The following CDCA4 variants were observed in gnomAD, a reference collection of about 807,000 sequenced individuals.
The protein encoded by CDCA4 is cell division cycle-associated protein 4.
For missense variants in CDCA4, 294 were observed against 322.1 expected, an observed-to-expected ratio of 0.91 and a Z score of 0.67; for synonymous variants, 130 against 137.0, an observed-to-expected ratio of 0.95 and a Z score of 0.36.
At chr14:105,017,763 G>A (rs1291735342) in intron 1 of CDCA4, among the ~76,000 whole-genome samples, 1 of 151,994 alleles carries the variant, frequency 6.6e-6, no homozygotes, top group Non-Finnish European at 1.5e-5. Flanking sequence ...CCTGGAAGGC[G>A]GAGGTTGCAG....
intron 1 of CDCA4, among the ~76,000 whole-genome samples, chr14:105,013,636 G>A (rs1413380834): frequency 6.6e-6 from 1 of 152,122 alleles, no homozygotes; most frequent in Non-Finnish European, 1.5e-5. Context: ...AAGTTTTGCA[G>A]TGCGGGAGAA....
rs529314279 is a variant in CDCA4 at position 105,011,615 on chromosome 14, C to T, written c.315G>A (p.Ala105=). The T allele has an allele frequency of 2.7e-5, 44 of 1,613,838 alleles. No homozygotes were observed. Among genetic ancestry groups the T allele is most frequent in the Admixed American group, 8.3e-5 (5 of 60,022 alleles). Residue 105 remains alanine, a synonymous_variant, in exon 2 of 2, where the codon GCG becomes GCA. Coordinates refer to ENST00000336219, the MANE Select transcript of CDCA4 (RefSeq NM_017955.4). ...CAGGATGTGCCCCCTCTTGCCCCCA[C>T]GCTGCACGGCACAGGATCTCCGTGG... ...LVSTEILCRA[A]WGQEGAHPAP...
intron 1 of CDCA4, among the ~76,000 whole-genome samples, chr14:105,016,074 T>A (rs1012989686): frequency 6.6e-6 from 1 of 152,222 alleles, no homozygotes; most frequent in Non-Finnish European, 1.5e-5. Flanking sequence ...CACCTGCCTA[T>A]GAGTTTCTGC....
intron 1 of CDCA4, among the ~76,000 whole-genome samples, chr14:105,017,536 T>A (rs1011731371): frequency 4.6e-5 from 7 of 152,040 alleles, no homozygotes; most frequent in African/African-American, 1.4e-4. Flanking sequence ...AAGCATTCTT[T>A]TAGGACTTAA....
Position 105,009,642 on chromosome 14 carries a change from C to CTTA in CDCA4, c.*1561_*1562insTAA, listed in dbSNP as rs1900442461. On this transcript the variant is annotated 3_prime_UTR_variant, in exon 2 of 2. Coordinates refer to ENST00000336219, the MANE Select transcript of CDCA4 (RefSeq NM_017955.4). The stretch of plus-strand genomic sequence containing the variant: ...ACAAAATAGTGCTTTAGATTTATTC[C>CTTA]TATAAAACACATACCCTTTAAACTA... 1 of 152,180 alleles carries CTTA rather than the reference C, an allele frequency of 6.6e-6. No homozygotes were observed. Among genetic ancestry groups the CTTA allele is most frequent in the Non-Finnish European group, 1.5e-5 (1 of 68,038 alleles). The allele number at this position is 152,180 out of a possible 1,614,324, so 9.4% of individuals were successfully genotyped here.
In CDCA4 at chr14:105,010,904, G is replaced by T. The variant is rs535744255; in HGVS notation, c.*300C>A. On this transcript the variant is annotated 3_prime_UTR_variant, in exon 2 of 2. Transcript: ENST00000336219. ...CTAAAGGTAAAAGGAGGTTGATGCA[G>T]CTGCGGCTCACCGTCCTCTACAGTG... 23 of 413,148 alleles carry T rather than the reference G, an allele frequency of 5.6e-5. No homozygotes were observed. The highest frequency in any genetic ancestry group is 3.8e-4 in the African/African-American group (19 of 49,398). 25.6% of individuals were successfully genotyped at this position (413,148 alleles called of 1,614,324 possible).
intron 1 of CDCA4, among the ~76,000 whole-genome samples, chr14:105,018,281 ACCAGGAGAATAT>A (rs1412443098): frequency 6.6e-6 from 1 of 151,914 alleles, no homozygotes; most frequent in African/African-American, 2.4e-5. Context: ...CCATTCTGGT[ACCAGGAGAATAT>A]CCCTGTTCAG....
At chr14:105,015,381 C>A (rs1266644141) in intron 1 of CDCA4, among the ~76,000 whole-genome samples, 1 of 37,454 alleles carries the variant, frequency 2.7e-5, no homozygotes, top group African/African-American at 4.6e-5. Flanking sequence ...CAAACAATGG[C>A]GGAACCACAT....
chr14:105,018,657 C>T (rs1886146208), intron 1 of CDCA4, among the ~76,000 whole-genome samples: 2 of 152,212 alleles, frequency 1.3e-5, no homozygotes. Flanking sequence ...CTGCCTGAGG[C>T]TGCTTAACTC....
chr14:105,018,446 G>A (rs1003645072), intron 1 of CDCA4, among the ~76,000 whole-genome samples: 3 of 152,164 alleles, frequency 2.0e-5, no homozygotes, highest in Non-Finnish European at 4.4e-5. Flanking sequence ...TTACAGTCAC[G>A]TGACCCCAAA....
At position 105,011,321 on chromosome 14, in the gene CDCA4, C is replaced by T; in HGVS notation, c.609G>A (p.Arg203=). Residue 203 remains arginine, a synonymous_variant, in exon 2 of 2, where the codon AGG becomes AGA. Coordinates refer to ENST00000336219, the MANE Select transcript of CDCA4 (RefSeq NM_017955.4). ...TVLTGMMGGA[R]PGPCEGLEGL... Reference sequence around the variant, plus strand: ...CCTCGAGCCCTTCGCAGGGGCCCGGCCTGGCACCCCCCATCATGCCTGTCA... The same window carrying T: ...CCTCGAGCCCTTCGCAGGGGCCCGGTCTGGCACCCCCCATCATGCCTGTCA... 6.2e-7 allele frequency: 1 copy of T among 1,614,136 alleles called. No individual in the cohort carries two copies.
At chr14:105,020,033 T>C (rs538720291) in intron 1 of CDCA4, among the ~76,000 whole-genome samples, 1 of 152,338 alleles carries the variant, frequency 6.6e-6, no homozygotes, top group South Asian at 2.1e-4. Context: ...TTTTGTTACT[T>C]GGAACGAAAC....
In CDCA4 at chr14:105,011,603, C is replaced by A. The variant is rs1431299150; in HGVS notation, c.327G>T (p.Glu109Asp). ...EILCRAAWGQ[E>D]GAHPAPGLGD... ...CCAAGCCAGGAGCAGGATGTGCCCC[C>A]TCTTGCCCCCACGCTGCACGGCACA... Residue 109 changes from glutamate (E) to aspartate (D), a missense_variant, in exon 2 of 2, where the codon GAG (glutamate) becomes GAT (aspartate). Transcript: ENST00000336219. 1 of 1,613,926 alleles carries A rather than the reference C, an allele frequency of 6.2e-7. No homozygotes were observed. The highest frequency in any genetic ancestry group is 1.1e-5 in the South Asian group (1 of 91,078).
At chr14:105,017,040 T>C (rs1900668117) in intron 1 of CDCA4, among the ~76,000 whole-genome samples, 4 of 152,168 alleles carry the variant, frequency 2.6e-5, no homozygotes, top group Non-Finnish European at 5.9e-5. Flanking sequence ...TTTATAAAAT[T>C]TAGGAGTGTT....
chr14:105,017,617 G>A (rs1326438576), intron 1 of CDCA4, among the ~76,000 whole-genome samples: 1 of 151,910 alleles, frequency 6.6e-6, no homozygotes, highest in Admixed American at 6.5e-5. Flanking sequence ...GGATCACCAG[G>A]TCAGGAGATT....
chr14:105,011,949 G>A lies in CDCA4; in HGVS notation c.-6-14C>T, dbSNP rs755680204. Reference sequence around the variant, plus strand: ...AAACATTGTGTCCTGCAGAAACCAAGGAAGACACCACTTAGCACACGGCAG... The same window carrying A: ...AAACATTGTGTCCTGCAGAAACCAAAGAAGACACCACTTAGCACACGGCAG... On this transcript the variant is annotated splice_polypyrimidine_tract_variant and intron_variant, in intron 1 of 1. Transcript: ENST00000336219. 7 of 1,587,594 alleles carry A rather than the reference G, an allele frequency of 4.4e-6. No homozygotes were observed. In the Admixed American group the frequency reaches 1.0e-4, roughly 23 times the overall value.
Position 105,011,170 on chromosome 14 carries a change from G to C in CDCA4, c.*34C>G, listed in dbSNP as rs7144401. The C allele has an allele frequency of 1.3e-6, 2 of 1,571,140 alleles. No individual in the cohort carries two copies. The highest frequency in any genetic ancestry group is 1.7e-6 in the Non-Finnish European group (2 of 1,158,718). On this transcript the variant is annotated 3_prime_UTR_variant, in exon 2 of 2. Transcript: ENST00000336219. ...GGAGCCAGTGCTCACGTGTCAATGCGTCAGAGGCGGCTGTGAGCACTCAGG... is the reference window on the plus strand; with the variant it reads ...GGAGCCAGTGCTCACGTGTCAATGCCTCAGAGGCGGCTGTGAGCACTCAGG...
intron 1 of CDCA4, among the ~76,000 whole-genome samples, chr14:105,012,356 C>T (rs1275264128): frequency 2.6e-5 from 4 of 152,324 alleles, no homozygotes; most frequent in African/African-American, 7.2e-5. Flanking sequence ...TAATGTGAAC[C>T]GTGCCAGCCT....
Position 105,011,349 on chromosome 14 carries a change from ACT to A in CDCA4, c.579_580del (p.Val194ThrfsTer27), listed in dbSNP as rs1900495527. On this transcript the variant is annotated frameshift_variant, in exon 2 of 2. Transcript: ENST00000336219. LOFTEE classifies it low-confidence loss of function (END_TRUNC). ...GGCACCCCCCATCATGCCTGTCAGT[ACT>A]GTGTCCAGGTCGTAGTAGGGGCTGT... is the stretch of plus-strand genomic sequence containing the variant. 1.9e-6 allele frequency: 3 copies of A among 1,614,160 alleles called. No homozygotes were observed. The highest frequency in any genetic ancestry group is 2.2e-5 in the South Asian group (2 of 91,080).
Sources: allele counts gnomAD v4.1 joint callset (sites outside exome capture counted in the v4.1 genomes callset), GRCh38; gene constraint gnomAD v4.1.1; transcripts MANE v1.5; gene names NCBI Gene and HGNC (gene_info 2026-07-23, HGNC 2026-07-21).